The following OSMR variants were observed in gnomAD, a reference collection of about 807,000 sequenced individuals.
The protein encoded by OSMR is oncostatin-M-specific receptor subunit beta.
In OSMR, 81 loss-of-function variants were observed where a neutral mutation model predicts 99.9. That is an observed-to-expected ratio of 0.81 (90% CI 0.68 to 0.97). OSMR has a LOEUF of 0.97. Among genes scored for constraint, OSMR ranks in the 50% least tolerant of loss-of-function variants. The probability of loss-of-function intolerance (pLI) is 0.00; values close to 1 mark genes in which losing one functional copy is unlikely to be tolerated. For synonymous variants in OSMR, 406 were observed against 410.4 expected, an observed-to-expected ratio of 0.99 and a Z score of 0.13; for missense variants, 1,099 against 1,153.4, an observed-to-expected ratio of 0.95 and a Z score of 0.68.
intron 9 of OSMR, among the ~76,000 whole-genome samples, chr5:38,914,452 C>T (rs1052699535): frequency 1.3e-5 from 2 of 152,212 alleles, no homozygotes; most frequent in African/African-American, 4.8e-5. Context: ...TCGTAAAAAG[C>T]AGTTTGGAGA....
In OSMR at chr5:38,904,376, C is replaced by T. The variant is rs113202105; in HGVS notation, c.1158C>T (p.Asn386=). Residue 386 remains asparagine, a synonymous_variant, in exon 9 of 18, where the codon AAC becomes AAT. Transcript: ENST00000274276. The part of the protein sequence containing the change: ...MMQYNVSIKV[N]GEYFLSELEP... Reference sequence around the variant, plus strand: ...AGTACAATGTTTCCATCAAGGTGAACGGTGAGTACTTCTTAAGTGAACTGG... The same window carrying T: ...AGTACAATGTTTCCATCAAGGTGAATGGTGAGTACTTCTTAAGTGAACTGG... The T allele has an allele frequency of 4.0e-5, 64 of 1,613,762 alleles. No individual in the cohort carries two copies. Among genetic ancestry groups the T allele is most frequent in the Middle Eastern group, 3.3e-4 (2 of 6,084 alleles).
chr5:38,872,299 G>A (rs1045160539), intron 2 of OSMR, among the ~76,000 whole-genome samples: 3 of 152,178 alleles, frequency 2.0e-5, no homozygotes, highest in South Asian at 2.1e-4. Flanking sequence ...AATATAAGGC[G>A]TTCTTCTTTT....
intron 1 of OSMR, among the ~76,000 whole-genome samples, chr5:38,866,495 G>T (rs184276143): frequency 6.6e-6 from 1 of 152,306 alleles, no homozygotes; most frequent in East Asian, 1.9e-4. Flanking sequence ...CTTCCCCAGT[G>T]TGCTGCACCA....
intron 1 of OSMR, among the ~76,000 whole-genome samples, chr5:38,847,007 G>A (rs1005508478): frequency 7.2e-5 from 11 of 152,202 alleles, no homozygotes; most frequent in Non-Finnish European, 1.5e-4. Flanking sequence ...GGGAGGCACA[G>A]TGCTAGGTGC....
At chr5:38,874,792 A>G (rs561586397) in intron 2 of OSMR, among the ~76,000 whole-genome samples, 1 of 152,340 alleles carries the variant, frequency 6.6e-6, no homozygotes, top group East Asian at 1.9e-4. Flanking sequence ...TGCTTTGTAT[A>G]TGTTATTTAC....
chr5:38,895,776 T>C (rs1428325127), intron 7 of OSMR, among the ~76,000 whole-genome samples: 1 of 152,164 alleles, frequency 6.6e-6, no homozygotes, highest in African/African-American at 2.4e-5. Flanking sequence ...AGTAGTTTCA[T>C]AGTTTAAGGT....
intron 1 of OSMR, among the ~76,000 whole-genome samples, chr5:38,849,975 C>G (rs1405629700): frequency 6.6e-6 from 1 of 152,160 alleles, no homozygotes; most frequent in Non-Finnish European, 1.5e-5. Flanking sequence ...GGATCTTTTT[C>G]ATATTTATAT....
At chr5:38,894,837 T>C (rs188365631) in intron 7 of OSMR, among the ~76,000 whole-genome samples, 2 of 152,188 alleles carry the variant, frequency 1.3e-5, no homozygotes, top group Non-Finnish European at 2.9e-5. Flanking sequence ...GGACTTACAT[T>C]CAACACTGGA....
chr5:38,886,519 G>A lies in OSMR; in HGVS notation c.991+329G>A, dbSNP rs188812947. On this transcript the variant is annotated intron_variant, in intron 7 of 17. Coordinates refer to ENST00000274276, the MANE Select transcript of OSMR (RefSeq NM_003999.3). ...ATAATTATCACTTTAAATTGTGTGC[G>A]TGTGTATTCTCATTTCTTATGTGAT... The A allele has an allele frequency of 1.4e-3, 403 of 279,182 alleles. 4 individuals carry two copies. The highest frequency in any genetic ancestry group is 8.2e-3 in the African/African-American group (371 of 45,334). The allele number at this position is 279,182 out of a possible 1,614,324, so 17.3% of individuals were successfully genotyped here. A position where few individuals can be genotyped will look rare whatever the true frequency, so the allele number is the denominator to read the frequency against.
chr5:38,904,291 C>G, intron 8 of OSMR, 62 bp from the exon 9 acceptor site: 1 of 1,562,330 alleles, frequency 6.4e-7, no homozygotes, highest in Non-Finnish European at 8.7e-7. Context: ...GGGATGCACT[C>G]ACCAATGTTT....
intron 7 of OSMR, among the ~76,000 whole-genome samples, chr5:38,899,305 C>G (rs1451913990): frequency 1.3e-5 from 2 of 152,016 alleles, no homozygotes; most frequent in Non-Finnish European, 2.9e-5. Flanking sequence ...TGCTGCCAGG[C>G]CTGGGACTCA....
intron 7 of OSMR, among the ~76,000 whole-genome samples, chr5:38,887,985 G>GACA (rs1230558222): frequency 6.6e-6 from 1 of 152,150 alleles, no homozygotes; most frequent in African/African-American, 2.4e-5. Flanking sequence ...AAACGACACA[G>GACA]ACACACGTGG....
chr5:38,900,741 G>A (rs560388061), intron 7 of OSMR, among the ~76,000 whole-genome samples: 23 of 150,728 alleles, frequency 1.5e-4, no homozygotes, highest in African/African-American at 5.4e-4. Context: ...CCAGTTGCTG[G>A]ACAGATGTCC....
downstream of OSMR, among the ~76,000 whole-genome samples, chr5:38,936,541 A>G (rs897044955): frequency 6.6e-5 from 10 of 152,282 alleles, no homozygotes; most frequent in East Asian, 1.5e-3. Context: ...AACGCTTCCT[A>G]CATTCAAACA....
intron 7 of OSMR, 102 bp downstream of exon 7, chr5:38,886,292 A>G: frequency 1.3e-6 from 2 of 1,594,606 alleles, no homozygotes; most frequent in Non-Finnish European, 1.7e-6. Flanking sequence ...CCTCATTCAC[A>G]GCGGAGGTGA....
At chr5:38,868,429 G>A (rs1449888681) in intron 1 of OSMR, among the ~76,000 whole-genome samples, 2 of 152,126 alleles carry the variant, frequency 1.3e-5, no homozygotes, top group Admixed American at 6.5e-5. Context: ...GAATTCCCAC[G>A]TGTTGTGGGA....
chr5:38,925,440 G>A (rs1746433599), intron 15 of OSMR, 69 bp downstream of exon 15: 4 of 1,369,046 alleles, frequency 2.9e-6, no homozygotes, highest in Non-Finnish European at 4.2e-6. Flanking sequence ...CAGAAGTGTT[G>A]ACTTAGGCTT....
intron 1 of OSMR, among the ~76,000 whole-genome samples, chr5:38,865,591 G>C (rs947223994): frequency 6.6e-6 from 1 of 152,230 alleles, no homozygotes; most frequent in Non-Finnish European, 1.5e-5. Flanking sequence ...TGTGAAGGAT[G>C]GGGACACCAG....
At chr5:38,897,565 C>A (rs779177697) in intron 7 of OSMR, among the ~76,000 whole-genome samples, 3 of 151,690 alleles carry the variant, frequency 2.0e-5, no homozygotes, top group Non-Finnish European at 4.4e-5. Flanking sequence ...AATGGTTTGT[C>A]AATTTTGTTT....
Sources: allele counts gnomAD v4.1 joint callset (sites outside exome capture counted in the v4.1 genomes callset), GRCh38; gene constraint gnomAD v4.1.1; transcripts MANE v1.5; gene names NCBI Gene and HGNC (gene_info 2026-07-23, HGNC 2026-07-21).